Variants in GRM1 observed in about 807,000 individuals in gnomAD.
GRM1 encodes glutamate metabotropic receptor 1.
A neutral mutation model predicts 90.9 loss-of-function variants in GRM1; 33 were observed. That is an observed-to-expected ratio of 0.36 (90% confidence interval 0.28 to 0.49). The LOEUF is 0.49. Among genes scored for constraint, GRM1 ranks in the 20% least tolerant of loss-of-function variants. The probability of loss-of-function intolerance (pLI) is 0.99; values close to 1 mark genes in which losing one functional copy is unlikely to be tolerated. For missense variants in GRM1, 1,190 were observed against 1,534.3 expected (o/e 0.78, Z 3.75); for synonymous variants, 700 against 613.2 (o/e 1.14, Z -2.09).
At chr6:146,415,494 T>A (rs1314228291) in intron 7 of GRM1, among the ~76,000 whole-genome samples, 1 of 152,238 alleles carries the variant, frequency 6.6e-6, no homozygotes, top group African/African-American at 2.4e-5. Flanking sequence ...TGACTGGTAC[T>A]TTTGTCAACA....
At position 146,216,565 on chromosome 6, in the gene GRM1, G is replaced by A. The variant is rs974668528; in HGVS notation, c.950+56968G>A. 1.4e-4 allele frequency among the ~76,000 whole-genome samples: 21 copies of A among 152,186 alleles called. No homozygotes were observed. In the Middle Eastern group the frequency reaches 0.01, roughly 74 times the overall value. ...GGCCTCCAGTGGAAAAATATCATTC[G>A]GTTGACTGGTTCTTAGAAAAGTTTA... On this transcript the variant is annotated intron_variant, in intron 2 of 7. Transcript: ENST00000282753.
At chr6:146,422,807 A>AT (rs1372253310) in intron 7 of GRM1, among the ~76,000 whole-genome samples, 1 of 152,202 alleles carries the variant, frequency 6.6e-6, no homozygotes, top group Non-Finnish European at 1.5e-5. Flanking sequence ...ATAGGCTGTT[A>AT]TATCAAGGAA....
In GRM1 at chr6:146,159,112, T is replaced by G. The variant is rs946534293; in HGVS notation, c.701-236T>G. ...AATCCTTCATTTTATAAAACATGTC[T>G]CATTATAGGTTCCCTAGCTCAGATC... On this transcript the variant is annotated intron_variant, in intron 1 of 7. Coordinates refer to ENST00000282753, the MANE Select transcript of GRM1 (RefSeq NM_001278064.2). Among the ~76,000 whole-genome samples the G allele has an allele frequency of 3.9e-5, 6 of 152,332 alleles. No homozygotes were observed. The East Asian group carries it at 9.7e-4, about 25-fold the overall frequency.
At chr6:146,064,634 TA>T (rs1775782979) in intron 1 of GRM1, among the ~76,000 whole-genome samples, 1 of 151,264 alleles carries the variant, frequency 6.6e-6, no homozygotes, top group African/African-American at 2.4e-5. Flanking sequence ...GAAATCAAAA[TA>T]AAAAACAAGG....
intron 6 of GRM1, among the ~76,000 whole-genome samples, chr6:146,393,310 A>G (rs1400314621): frequency 6.6e-6 from 1 of 151,766 alleles, no homozygotes; most frequent in Non-Finnish European, 1.5e-5. Context: ...TTTCATGTTT[A>G]TTGGCCACAT....
chr6:146,401,715 T>C (rs1777166355), intron 7 of GRM1, among the ~76,000 whole-genome samples: 1 of 152,228 alleles, frequency 6.6e-6, no homozygotes, highest in Admixed American at 6.5e-5. Context: ...TGAAAGTTTT[T>C]CTTCTAACCA....
At chr6:146,303,664 A>G (rs1373718961) in intron 2 of GRM1, among the ~76,000 whole-genome samples, 1 of 152,144 alleles carries the variant, frequency 6.6e-6, no homozygotes, top group African/African-American at 2.4e-5. Flanking sequence ...GCCTAATCAC[A>G]TGGGCCGACC....
At chr6:146,082,192 G>A (rs1389221943) in intron 1 of GRM1, among the ~76,000 whole-genome samples, 2 of 152,140 alleles carry the variant, frequency 1.3e-5, no homozygotes, top group African/African-American at 4.8e-5. Flanking sequence ...GCCTTACACT[G>A]TCACCCAGGC....
intron 2 of GRM1, among the ~76,000 whole-genome samples, chr6:146,297,429 G>T (rs1433823776): frequency 6.6e-6 from 1 of 152,056 alleles, no homozygotes; most frequent in Admixed American, 6.5e-5. Flanking sequence ...CAAAGTGCTG[G>T]TATTACAGGC....
intron 2 of GRM1, among the ~76,000 whole-genome samples, chr6:146,272,789 G>T (rs745777366): frequency 6.6e-6 from 1 of 152,144 alleles, no homozygotes; most frequent in Non-Finnish European, 1.5e-5. Context: ...TGGGAAATCA[G>T]CTAGTGCCTG....
At chr6:146,123,888 G>A (rs1212954020) in intron 1 of GRM1, among the ~76,000 whole-genome samples, 2 of 152,116 alleles carry the variant, frequency 1.3e-5, no homozygotes, top group African/African-American at 4.8e-5. Flanking sequence ...TTATTTGAGT[G>A]GCATCATGGA....
intron 2 of GRM1, among the ~76,000 whole-genome samples, chr6:146,286,525 T>C (rs565233890): frequency 5.9e-5 from 9 of 152,334 alleles, no homozygotes; most frequent in African/African-American, 2.2e-4. Flanking sequence ...ATACAGTAAC[T>C]GCAAGTTCTT....
At chr6:146,320,852 T>C (rs750877303) in intron 3 of GRM1, among the ~76,000 whole-genome samples, 1 of 152,182 alleles carries the variant, frequency 6.6e-6, no homozygotes, top group Non-Finnish European at 1.5e-5. Flanking sequence ...ATTTGATTCT[T>C]CTCTCTTTTC....
chr6:146,201,059 C>T lies in GRM1; in HGVS notation c.950+41462C>T, dbSNP rs180928984. 4.1e-4 allele frequency among the ~76,000 whole-genome samples: 62 copies of T among 152,178 alleles called. 1 individual carries two copies. The East Asian group carries it at 8.3e-3, about 20-fold the overall frequency. ...ATCTGAGTGGTGCATTTCATGGCTG[C>T]GAAAGGTCTTGCATTTTCAAACTTC... On this transcript the variant is annotated intron_variant, in intron 2 of 7. Transcript: ENST00000282753.
At chr6:146,331,453 A>AGAGAGACC (rs1784585801) in intron 3 of GRM1, among the ~76,000 whole-genome samples, 1 of 152,218 alleles carries the variant, frequency 6.6e-6, no homozygotes, top group Non-Finnish European at 1.5e-5. Flanking sequence ...AAACCAAAGA[A>AGAGAGACC]GAGAGACCAT....
intron 1 of GRM1, among the ~76,000 whole-genome samples, chr6:146,109,132 T>C (rs761585853): frequency 2.0e-4 from 30 of 152,156 alleles, no homozygotes; most frequent in Non-Finnish European, 3.4e-4. Context: ...GAAATTTGCA[T>C]AAGTAATGAG....
At chr6:146,161,632 C>T (rs1583093061) in intron 2 of GRM1, among the ~76,000 whole-genome samples, 1 of 152,118 alleles carries the variant, frequency 6.6e-6, no homozygotes, top group African/African-American at 2.4e-5. Flanking sequence ...ACACTGCTTT[C>T]TGTGCTAATA....
chr6:146,382,775 T>C (rs1776362725), intron 5 of GRM1, among the ~76,000 whole-genome samples: 1 of 152,160 alleles, frequency 6.6e-6, no homozygotes, highest in African/African-American at 2.4e-5. Flanking sequence ...TTGAAAAATA[T>C]TCCATTCAAC....
intron 2 of GRM1, among the ~76,000 whole-genome samples, chr6:146,302,198 T>C (rs933150808): frequency 5.9e-5 from 9 of 151,384 alleles, no homozygotes; most frequent in African/African-American, 2.2e-4. Context: ...TAAGCCTGAC[T>C]CCTCTTTTGG....
Sources: allele counts gnomAD v4.1 joint callset (sites outside exome capture counted in the v4.1 genomes callset), GRCh38; gene constraint gnomAD v4.1.1; transcripts MANE v1.5; gene names NCBI Gene and HGNC (gene_info 2026-07-23, HGNC 2026-07-21).